Variants in PCDHA1 observed in about 807,000 individuals in gnomAD.
PCDHA1 encodes protocadherin alpha 1, also known as protocadherin alpha-1.
PCDHA1 carries 42 observed loss-of-function variants against 61.3 expected under a neutral mutation model. The ratio of observed to expected loss-of-function variants is 0.69; its 90% CI spans 0.54 to 0.89. The LOEUF is 0.89. Among genes scored for constraint, PCDHA1 ranks in the 40% least tolerant of loss-of-function variants. PCDHA1 has a pLI of 0.00. For synonymous variants in PCDHA1, 610 were observed against 553.8 expected, an observed-to-expected ratio of 1.10 and a Z score of -1.43; for missense variants, 1,256 against 1,235.3, an observed-to-expected ratio of 1.02 and a Z score of -0.25.
chr5:140,854,158 T>TTAAA, intron 1 of PCDHA1: 1 of 123,422 alleles, frequency 8.1e-6, no homozygotes, highest in Non-Finnish European at 1.0e-5. Flanking sequence ...AGATTCTGTC[T>TTAAA]CAAAAAAAAA....
At chr5:140,883,283 G>C (rs782514861) in intron 1 of PCDHA1, 2 of 1,613,916 alleles carry the variant, frequency 1.2e-6, no homozygotes, top group Admixed American at 1.7e-5. Context: ...CCTTTTGGTG[G>C]AAGTACTAGA....
At chr5:140,926,654 C>G (rs2083445492) in intron 1 of PCDHA1, 1 of 514,022 alleles carries the variant, frequency 1.9e-6, no homozygotes, top group Non-Finnish European at 3.1e-6. Flanking sequence ...GCCGGCTCCG[C>G]TTTCCCAGAC....
intron 1 of PCDHA1, chr5:140,836,302 C>T (rs2150257183): frequency 1.7e-5 from 28 of 1,613,614 alleles, no homozygotes; most frequent in Non-Finnish European, 2.3e-5. Context: ...CTAGATGAGA[C>T]GGACGCACCG....
At chr5:140,952,471 A>G (rs1324501616) in intron 1 of PCDHA1, among the ~76,000 whole-genome samples, 2 of 152,204 alleles carry the variant, frequency 1.3e-5, no homozygotes, top group African/African-American at 2.4e-5. Context: ...AAGCATAAGG[A>G]AAGTGACATT....
intron 1 of PCDHA1, chr5:140,842,623 G>A (rs1778148921): frequency 4.4e-6 from 7 of 1,579,148 alleles, no homozygotes; most frequent in Middle Eastern, 1.7e-4. Flanking sequence ...GCTCGCCTTC[G>A]CTGTGGGCCA....
chr5:140,994,665 A>G (rs555985538), intron 3 of PCDHA1, among the ~76,000 whole-genome samples: 1 of 152,294 alleles, frequency 6.6e-6, no homozygotes, highest in East Asian at 1.9e-4. Flanking sequence ...AGATCACACT[A>G]CTGCACTCCA....
At chr5:140,840,691 CG>C (rs1465189614) in intron 1 of PCDHA1, among the ~76,000 whole-genome samples, 3 of 151,924 alleles carry the variant, frequency 2.0e-5, no homozygotes, top group Admixed American at 6.6e-5. Context: ...GTAAATAAAA[CG>C]GTTCAGGCAA....
At chr5:140,823,022 G>A (rs2150121386) in intron 1 of PCDHA1, 8 of 1,614,116 alleles carry the variant, frequency 5.0e-6, no homozygotes, top group Non-Finnish European at 5.9e-6. Context: ...GACCGCGAGA[G>A]CGTGTCGGTC....
At chr5:140,841,345 G>A in intron 1 of PCDHA1, 2 of 1,612,666 alleles carry the variant, frequency 1.2e-6, no homozygotes, top group East Asian at 2.2e-5. Flanking sequence ...GGCGAGGAGA[G>A]CTGGGATCCT....
chr5:141,009,650 C>G lies in PCDHA1; in HGVS notation c.2566C>G (p.Pro856Ala). Residue 856 changes from proline to alanine, a missense_variant, in exon 4 of 4, where the codon CCT becomes GCT. Transcript: ENST00000504120. The part of the protein sequence containing the change: ...TPEPEAGEVS[P>A]PVGAGVNSNS... ...AGAACCAGAGGCAGGAGAAGTGTCCCCTCCAGTCGGTGCGGGTGTCAACAG... is the reference window on the plus strand; with the variant it reads ...AGAACCAGAGGCAGGAGAAGTGTCCGCTCCAGTCGGTGCGGGTGTCAACAG... 1 of 1,613,886 alleles carries G rather than the reference C, an allele frequency of 6.2e-7. No individual in the cohort carries two copies. Among genetic ancestry groups the G allele is most frequent in the Non-Finnish European group, 8.5e-7 (1 of 1,179,918 alleles).
At chr5:140,888,959 A>G (rs1554183707) in intron 1 of PCDHA1, among the ~76,000 whole-genome samples, 1 of 152,024 alleles carries the variant, frequency 6.6e-6, no homozygotes, top group African/African-American at 2.4e-5. Flanking sequence ...TTCTTTGGCA[A>G]TGTTAATGTG....
chr5:140,982,795 ATG>A (rs60616196), intron 3 of PCDHA1, among the ~76,000 whole-genome samples: 18 of 151,504 alleles, frequency 1.2e-4, no homozygotes, highest in African/African-American at 3.2e-4. Flanking sequence ...GCATGTGTGC[ATG>A]TGTGTGTGTG....
intron 1 of PCDHA1, chr5:140,927,600 C>T (rs1179735453): frequency 1.9e-6 from 3 of 1,614,042 alleles, no homozygotes; most frequent in African/African-American, 1.3e-5. Flanking sequence ...TTGAGCGCTC[C>T]GTATACCGCA....
Position 140,886,556 on chromosome 5 carries a change from G to A in PCDHA1, c.2395-92393G>A, listed in dbSNP as rs368447778. On this transcript the variant is annotated intron_variant, in intron 1 of 3. Coordinates refer to ENST00000504120, the MANE Select transcript of PCDHA1 (RefSeq NM_018900.4). ...TAGAAAGGTCTTCCCAGCTGGGCACGGTGGCTCACGCCTGTAATCCCAGCA... is the reference window on the plus strand; with the variant it reads ...TAGAAAGGTCTTCCCAGCTGGGCACAGTGGCTCACGCCTGTAATCCCAGCA... Among the ~76,000 whole-genome samples, 30 of 151,832 alleles carry A rather than the reference G, an allele frequency of 2.0e-4. No individual in the cohort carries two copies. The East Asian group carries it at 5.5e-3, about 28-fold the overall frequency.
intron 1 of PCDHA1, among the ~76,000 whole-genome samples, chr5:140,833,369 A>T (rs2150207984): frequency 2.0e-5 from 3 of 152,192 alleles, no homozygotes; most frequent in Admixed American, 1.3e-4. Context: ...AGTAAGGTAG[A>T]TCCAAAAAGG....
intron 1 of PCDHA1, chr5:140,884,134 C>A: frequency 6.2e-6 from 10 of 1,613,442 alleles, no homozygotes; most frequent in Non-Finnish European, 7.6e-6. Context: ...GCATCCCGTT[C>A]CGCGTGGGGC....
chr5:140,857,821 T>C, intron 1 of PCDHA1: 2 of 1,597,642 alleles, frequency 1.3e-6, no homozygotes, highest in South Asian at 2.2e-5. Flanking sequence ...ACGTGGTGGC[T>C]AAGGTGCGCG....
At chr5:140,849,071 T>C (rs2150430032) in intron 1 of PCDHA1, 1 of 1,532,554 alleles carries the variant, frequency 6.5e-7, no homozygotes, top group Non-Finnish European at 8.9e-7. Flanking sequence ...TAAAACCTCT[T>C]GGACTTGTAT....
chr5:140,875,352 T>C lies in PCDHA1; in HGVS notation c.2394+86668T>C, dbSNP rs563345056. ...AATAGGATCGACTCCATAATGACTGTGATGCTGGAAAAAATTTACTAAATA... is the reference window on the plus strand; with the variant it reads ...AATAGGATCGACTCCATAATGACTGCGATGCTGGAAAAAATTTACTAAATA... On this transcript the variant is annotated intron_variant, in intron 1 of 3. Transcript: ENST00000504120. 15 of 1,445,236 alleles carry C rather than the reference T, an allele frequency of 1.0e-5. No individual in the cohort carries two copies. In the African/African-American group the frequency reaches 1.9e-4, roughly 18 times the overall value. The allele number at this position is 1,445,236 out of a possible 1,614,324, so 89.5% of individuals were successfully genotyped here.
Sources: gnomAD v4.1 joint callset for allele counts (sites outside exome capture counted in the v4.1 genomes callset) on GRCh38, gnomAD v4.1.1 for gene constraint, MANE v1.5 for transcripts, NCBI Gene and HGNC (gene_info 2026-07-23, HGNC 2026-07-21) for gene names.